The following PCSK5 variants were observed in gnomAD, a reference collection of about 807,000 sequenced individuals.
The protein encoded by PCSK5 is proprotein convertase subtilisin/kexin type 5.
In PCSK5, 129 loss-of-function variants were observed where a neutral mutation model predicts 233.2. The observed-to-expected ratio is 0.55, with a 90% CI of 0.48 to 0.64. PCSK5 has a LOEUF of 0.64. Among genes scored for constraint, PCSK5 ranks in the 30% least tolerant of loss-of-function variants. The pLI, the probability that PCSK5 is intolerant of heterozygous loss-of-function variation, is 0.00. For synonymous variants in PCSK5, 825 were observed against 879.2 expected (o/e 0.94, Z 1.09); for missense variants, 2,076 against 2,430.1 (o/e 0.85, Z 3.06).
chr9:76,150,854 GAAGT>G (rs1823644645), intron 10 of PCSK5, among the ~76,000 whole-genome samples: 2 of 152,162 alleles, frequency 1.3e-5, no homozygotes, highest in South Asian at 4.1e-4. Flanking sequence ...GACAGAGGAA[GAAGT>G]AAGTGTTTCT....
chr9:75,894,915 A>G (rs913685650), intron 1 of PCSK5, among the ~76,000 whole-genome samples: 5 of 152,252 alleles, frequency 3.3e-5, no homozygotes, highest in African/African-American at 1.2e-4. Flanking sequence ...GAGTAAATCT[A>G]CAAAGAAGAA....
chr9:76,029,588 G>A (rs113376741), intron 5 of PCSK5, among the ~76,000 whole-genome samples: 33 of 152,122 alleles, frequency 2.2e-4, no homozygotes, highest in Non-Finnish European at 4.6e-4. Context: ...TTTTAAATTG[G>A]CTTTGATGGA....
rs747949063 is a variant in PCSK5 at position 75,932,414 on chromosome 9, T to C, written c.228T>C (p.His76=). 2.5e-6 allele frequency: 4 copies of C among 1,612,968 alleles called. No individual in the cohort carries two copies. The highest frequency in any genetic ancestry group is 3.4e-6 in the Non-Finnish European group (4 of 1,178,964). The part of the protein sequence containing the change: ...GALKDYYHFY[H]SRTIKRSVIS... ...TGAAGGACTACTACCACTTCTACCA[T>C]AGCAGGACGATTAAAAGGTCAGTTA... is the stretch of plus-strand genomic sequence containing the variant. The change falls in exon 2 of 38, where the codon CAT becomes CAC. Residue 76 remains histidine (H), a synonymous_variant. Transcript: ENST00000674117.
intron 12 of PCSK5, among the ~76,000 whole-genome samples, chr9:76,160,034 G>A (rs1354739695): frequency 6.6e-6 from 1 of 151,960 alleles, no homozygotes; most frequent in Non-Finnish European, 1.5e-5. Context: ...CGTTGACCAG[G>A]ATGGTCTCGA....
chr9:76,284,925 A>G (rs902687036), intron 24 of PCSK5, among the ~76,000 whole-genome samples: 2 of 152,194 alleles, frequency 1.3e-5, no homozygotes, highest in African/African-American at 4.8e-5. Flanking sequence ...TACATAATAA[A>G]TAATAATGAA....
chr9:76,161,443 G>GTT (rs1822850701), intron 12 of PCSK5, among the ~76,000 whole-genome samples: 1 of 124,026 alleles, frequency 8.1e-6, no homozygotes. Context: ...TTTATTTCTT[G>GTT]CTTTTTTTTT....
chr9:76,143,484 T>C (rs1420950803), intron 10 of PCSK5, among the ~76,000 whole-genome samples: 1 of 152,188 alleles, frequency 6.6e-6, no homozygotes, highest in Non-Finnish European at 1.5e-5. Context: ...ATATTATTTC[T>C]TACACTGATG....
intron 4 of PCSK5, among the ~76,000 whole-genome samples, chr9:76,024,251 C>T (rs1828325063): frequency 6.6e-6 from 1 of 152,212 alleles, no homozygotes; most frequent in African/African-American, 2.4e-5. Flanking sequence ...CAGTTATCTG[C>T]TGGTCTTTTT....
intron 35 of PCSK5, among the ~76,000 whole-genome samples, chr9:76,348,341 G>A (rs1293299996): frequency 6.6e-6 from 1 of 152,200 alleles, no homozygotes; most frequent in Non-Finnish European, 1.5e-5. Context: ...AACCTGGGAG[G>A]CGAAGTTTGC....
At chr9:76,050,222 A>T (rs1321858740) in intron 5 of PCSK5, among the ~76,000 whole-genome samples, 1 of 152,178 alleles carries the variant, frequency 6.6e-6, no homozygotes, top group East Asian at 1.9e-4. Context: ...ATAAAATTAG[A>T]TTTTACCTAT....
intron 24 of PCSK5, among the ~76,000 whole-genome samples, chr9:76,279,229 A>G (rs1026877930): frequency 6.6e-6 from 1 of 150,786 alleles, no homozygotes; most frequent in East Asian, 1.9e-4. Flanking sequence ...ATGTCCCTAC[A>G]TAGGACATGA....
intron 8 of PCSK5, among the ~76,000 whole-genome samples, chr9:76,096,823 A>G (rs1205045298): frequency 6.6e-6 from 1 of 150,450 alleles, no homozygotes; most frequent in African/African-American, 2.4e-5. Flanking sequence ...CTGGTCTCAA[A>G]CTCCTGACCT....
At chr9:76,150,170 C>T (rs1823609439) in intron 10 of PCSK5, among the ~76,000 whole-genome samples, 1 of 152,186 alleles carries the variant, frequency 6.6e-6, no homozygotes, top group African/African-American at 2.4e-5. Flanking sequence ...TGTACAGCTG[C>T]TGACCAAACC....
intron 24 of PCSK5, among the ~76,000 whole-genome samples, chr9:76,283,648 G>C (rs180988427): frequency 7.7e-4 from 118 of 152,278 alleles, no homozygotes; most frequent in African/African-American, 2.6e-3. Context: ...TCTGAGGCAT[G>C]CCTGTAGTAT....
intron 24 of PCSK5, among the ~76,000 whole-genome samples, chr9:76,243,486 T>C (rs1203390855): frequency 1.3e-5 from 2 of 152,196 alleles, no homozygotes; most frequent in African/African-American, 2.4e-5. Context: ...AAAATGCCCT[T>C]AATTTATAAT....
chr9:76,016,780 C>A (rs913568371), intron 3 of PCSK5, among the ~76,000 whole-genome samples: 4 of 152,172 alleles, frequency 2.6e-5, no homozygotes, highest in Non-Finnish European at 5.9e-5. Flanking sequence ...ACAAAATGTA[C>A]AAATGAGAAA....
Position 76,053,309 on chromosome 9 carries a change from A to C in PCSK5, c.633-14646A>C, listed in dbSNP as rs139266190. Among the ~76,000 whole-genome samples the C allele has an allele frequency of 1.5e-3, 221 of 152,282 alleles. 1 individual carries two copies. The highest frequency in any genetic ancestry group is 5.1e-3 in the African/African-American group (211 of 41,554). On this transcript the variant is annotated intron_variant, in intron 5 of 37. Coordinates refer to ENST00000674117, the MANE Select transcript of PCSK5 (RefSeq NM_001372043.1). ...CCATGAGGGTTCCCCCGCTGCAGCA[A>C]ACTTTAGCCTGGACATCCAGGCATT...
At chr9:76,209,475 G>A (rs1331374006) in intron 20 of PCSK5, 1 of 508,778 alleles carries the variant, frequency 2.0e-6, no homozygotes, top group African/African-American at 1.9e-5. Flanking sequence ...GCCTACTACT[G>A]TATCTCAGAT....
At chr9:75,960,139 A>G (rs1299571597) in intron 2 of PCSK5, among the ~76,000 whole-genome samples, 1 of 152,244 alleles carries the variant, frequency 6.6e-6, no homozygotes, top group Non-Finnish European at 1.5e-5. Context: ...AAGGAGATTG[A>G]AGAAGCAACG....
Sources: allele counts gnomAD v4.1 joint callset (sites outside exome capture counted in the v4.1 genomes callset), GRCh38; gene constraint gnomAD v4.1.1; transcripts MANE v1.5; gene names NCBI Gene and HGNC (gene_info 2026-07-23, HGNC 2026-07-21).